GXYLT1: variants seen among roughly 807,000 people sequenced by gnomAD.
GXYLT1 encodes glycosyltransferase 8 domain containing 3.
In GXYLT1, 29 loss-of-function variants were observed where a neutral mutation model predicts 54.0. That is an observed-to-expected ratio of 0.54 (90% CI 0.40 to 0.73). The LOEUF is 0.73. GXYLT1 is among the 30% of genes least tolerant of loss of function. The pLI, the probability that GXYLT1 is intolerant of heterozygous loss-of-function variation, is 0.00. For synonymous variants in GXYLT1, 176 were observed against 204.1 expected, an observed-to-expected ratio of 0.86 and a Z score of 1.17; for missense variants, 490 against 553.4, an observed-to-expected ratio of 0.89 and a Z score of 1.15.
At chr12:42,120,882 T>C (rs748848765) in intron 2 of GXYLT1, among the ~76,000 whole-genome samples, 2 of 151,808 alleles carry the variant, frequency 1.3e-5, no homozygotes, top group Non-Finnish European at 2.9e-5. Context: ...TTGGCTGTAA[T>C]TAGAAAGAAG....
intron 1 of GXYLT1, among the ~76,000 whole-genome samples, chr12:42,132,986 T>C (rs2065600773): frequency 6.6e-6 from 1 of 152,060 alleles, no homozygotes; most frequent in Non-Finnish European, 1.5e-5. Flanking sequence ...GACACTTCTA[T>C]TAATAAGTAG....
chr12:42,093,588 A>G (rs1417167796), intron 7 of GXYLT1, among the ~76,000 whole-genome samples: 1 of 152,208 alleles, frequency 6.6e-6, no homozygotes, highest in African/African-American at 2.4e-5. Context: ...TGAACTGACC[A>G]ATGGAACAAA....
chr12:42,105,107 G>A (rs2065411765), intron 5 of GXYLT1, among the ~76,000 whole-genome samples: 1 of 152,194 alleles, frequency 6.6e-6, no homozygotes, highest in African/African-American at 2.4e-5. Context: ...TACACAGAAA[G>A]CCAGTCTGAT....
chr12:42,113,216 A>C (rs1442178530), intron 3 of GXYLT1, among the ~76,000 whole-genome samples: 1 of 151,106 alleles, frequency 6.6e-6, no homozygotes, highest in East Asian at 1.9e-4. Flanking sequence ...GGAAGAAACT[A>C]CATGAACTAA....
intron 1 of GXYLT1, among the ~76,000 whole-genome samples, chr12:42,137,826 A>C (rs935461282): frequency 1.3e-5 from 2 of 152,034 alleles, no homozygotes; most frequent in African/African-American, 4.8e-5. Flanking sequence ...TGACAGTATG[A>C]ATGAAGTGCT....
chr12:42,106,710 TG>T (rs1311914641), intron 4 of GXYLT1, among the ~76,000 whole-genome samples: 1 of 151,454 alleles, frequency 6.6e-6, no homozygotes, highest in Non-Finnish European at 1.5e-5. Flanking sequence ...GTGCCTTCCC[TG>T]GGGAATTTTA....
intron 3 of GXYLT1, among the ~76,000 whole-genome samples, chr12:42,116,135 T>A (rs1410072725): frequency 3.3e-5 from 5 of 151,948 alleles, no homozygotes; most frequent in Non-Finnish European, 7.4e-5. Context: ...TAATTCAAGA[T>A]GGATTAAAGA....
Position 42,084,476 on chromosome 12 carries a change from C to T in GXYLT1, c.*3310G>A, listed in dbSNP as rs1030132240. 3 of 152,464 alleles carry T rather than the reference C, an allele frequency of 2.0e-5. No individual in the cohort carries two copies. The highest frequency in any genetic ancestry group is 3.4e-3 in the Middle Eastern group (1 of 294). The allele number at this position is 152,464 out of a possible 1,614,324, so 9.4% of individuals were successfully genotyped here. On this transcript the variant is annotated 3_prime_UTR_variant, in exon 8 of 8. Coordinates refer to ENST00000398675, the MANE Select transcript of GXYLT1 (RefSeq NM_173601.2). ...ACAGAAAACAACGAACAAAACAGAA[C>T]TTCAACAGTAACACTGGCGTGGCAT...
intron 2 of GXYLT1, among the ~76,000 whole-genome samples, chr12:42,123,933 C>T (rs1488358445): frequency 2.0e-5 from 3 of 146,512 alleles, no homozygotes; most frequent in Non-Finnish European, 4.5e-5. Flanking sequence ...CCCAGCAACA[C>T]ATAATGGACT....
At chr12:42,096,679 G>A (rs952414010) in intron 7 of GXYLT1, among the ~76,000 whole-genome samples, 24 of 152,160 alleles carry the variant, frequency 1.6e-4, no homozygotes, top group Admixed American at 1.3e-3. Flanking sequence ...AAGAACCAAC[G>A]ATAGATGCTA....
chr12:42,136,849 T>C (rs1157386212), intron 1 of GXYLT1, among the ~76,000 whole-genome samples: 3 of 151,974 alleles, frequency 2.0e-5, no homozygotes, highest in East Asian at 1.9e-4. Flanking sequence ...ACACGGTTCA[T>C]TGCAGCCTCA....
chr12:42,109,671 T>C lies in GXYLT1; in HGVS notation c.507A>G (p.Leu169=), dbSNP rs1288615996. Residue 169 remains leucine, a synonymous_variant, in exon 4 of 8, where the codon CTA becomes CTG. Coordinates refer to ENST00000398675, the MANE Select transcript of GXYLT1 (RefSeq NM_173601.2). ...GGTATAACGTATAATTAAATGTTTGTAGAAATGACCAGTTGTCAAGCTAAA... is the reference window on the plus strand; with the variant it reads ...GGTATAACGTATAATTAAATGTTTGCAGAAATGACCAGTTGTCAAGCTAAA... ...FKGRLDNWSF[L]QTFNYTLYPI... is the part of the protein sequence containing the mutation. The C allele has an allele frequency of 5.9e-6, 9 of 1,531,536 alleles. No individual in the cohort carries two copies. Among genetic ancestry groups the C allele is most frequent in the African/African-American group, 1.4e-5 (1 of 71,904 alleles). 94.9% of individuals were successfully genotyped at this position (1,531,536 alleles called of 1,614,324 possible). A position where few individuals can be genotyped will look rare whatever the true frequency, so the allele number is the denominator to read the frequency against.
intron 5 of GXYLT1, among the ~76,000 whole-genome samples, chr12:42,102,718 A>C (rs2065397097): frequency 6.6e-6 from 1 of 152,176 alleles, no homozygotes; most frequent in Non-Finnish European, 1.5e-5. Flanking sequence ...AAGGCTAAGA[A>C]ATACAGTAAT....
chr12:42,103,595 T>G (rs1232063882), intron 5 of GXYLT1, among the ~76,000 whole-genome samples: 1 of 152,130 alleles, frequency 6.6e-6, no homozygotes, highest in East Asian at 1.9e-4. Context: ...AGAAAAGGAA[T>G]TAACAATCAA....
At chr12:42,098,093 G>A (rs2136880626) in intron 5 of GXYLT1, 60 bp from the exon 6 acceptor site, 3 of 1,513,992 alleles carry the variant, frequency 2.0e-6, no homozygotes, top group Non-Finnish European at 2.7e-6. Flanking sequence ...GCAGCATGAT[G>A]ACAGTTCCTC....
Position 42,104,435 on chromosome 12 carries a change from G to C in GXYLT1, c.864+1383C>G, listed in dbSNP as rs148126366. Among the ~76,000 whole-genome samples the C allele has an allele frequency of 9.1e-3, 1,392 of 152,136 alleles. 13 individuals carry two copies. The highest frequency in any genetic ancestry group is 0.014 in the Non-Finnish European group (949 of 68,008). On this transcript the variant is annotated intron_variant, in intron 5 of 7. Coordinates refer to ENST00000398675, the MANE Select transcript of GXYLT1 (RefSeq NM_173601.2). ...GAATAACAAACTTGGTAACCAAAGA[G>C]AGATGTTCTCTGTTAAACAAGAGCA...
intron 4 of GXYLT1, among the ~76,000 whole-genome samples, chr12:42,107,928 A>G (rs1027422707): frequency 2.0e-5 from 3 of 152,210 alleles, no homozygotes; most frequent in Non-Finnish European, 2.9e-5. Context: ...TCACCTATGT[A>G]TAGTTCTGAT....
At chr12:42,098,150 C>T (rs1466320606) in intron 5 of GXYLT1, 117 bp from the exon 6 acceptor site, 1 of 881,680 alleles carries the variant, frequency 1.1e-6, no homozygotes, top group East Asian at 2.5e-5. Flanking sequence ...GAAATGCAAA[C>T]TCCTCACAAT....
rs762063747 is a variant in GXYLT1 at position 42,144,497 on chromosome 12, C to G, written c.150G>C (p.Ala50=). Reference sequence around the variant, plus strand: ...CTCTCACGGCGCCGCGTCCGCCGCCCGCGAGCCAGGAAGCCACCGCGGCCT... The same window carrying G: ...CTCTCACGGCGCCGCGTCCGCCGCCGGCGAGCCAGGAAGCCACCGCGGCCT... ...KPQAAVASWL[A]GGGRGAVRGA... Residue 50 remains alanine (A), a synonymous_variant, in exon 1 of 8, where the codon GCG becomes GCC. Transcript: ENST00000398675. 4 of 1,390,482 alleles carry G rather than the reference C, an allele frequency of 2.9e-6. No homozygotes were observed. In the South Asian group the frequency reaches 4.7e-5, roughly 16 times the overall value. The allele number at this position is 1,390,482 out of a possible 1,614,324, so 86.1% of individuals were successfully genotyped here. A position where few individuals can be genotyped will look rare whatever the true frequency, so the allele number is the denominator to read the frequency against.
Sources: allele counts gnomAD v4.1 joint callset (sites outside exome capture counted in the v4.1 genomes callset), GRCh38; gene constraint gnomAD v4.1.1; transcripts MANE v1.5; gene names NCBI Gene and HGNC (gene_info 2026-07-23, HGNC 2026-07-21).